The following THOC7 variants were observed in gnomAD, a reference collection of about 807,000 sequenced individuals.
THOC7 encodes THO complex subunit 7, also known as NIF3L1-binding protein 1.
Under a neutral mutation model 33.1 loss-of-function variants are expected in THOC7, and 22 were observed. That is an observed-to-expected ratio of 0.66 (90% CI 0.47 to 0.95). The LOEUF is 0.95. Ranked by LOEUF, THOC7 falls within the 40% of genes least tolerant of loss-of-function variation. THOC7 has a pLI of 0.00. For missense variants in THOC7, 184 were observed against 245.3 expected (o/e 0.75, Z 1.67); for synonymous variants, 77 against 76.8 (o/e 1.00, Z -0.01).
chr3:63,840,557 C>T (rs1278752054), intron 1 of THOC7, among the ~76,000 whole-genome samples: 1 of 152,152 alleles, frequency 6.6e-6, no homozygotes, highest in African/African-American at 2.4e-5. Flanking sequence ...CACCACTGGA[C>T]TCCAGCGCCT....
chr3:63,855,284 C>CTG (rs1394934851), intron 1 of THOC7, among the ~76,000 whole-genome samples: 1 of 151,866 alleles, frequency 6.6e-6, no homozygotes, highest in Non-Finnish European at 1.5e-5. Context: ...TACAAAATAT[C>CTG]TTTCAAAATC....
intron 3 of THOC7, 150 bp from the exon 4 acceptor site, chr3:63,838,212 C>G: frequency 3.3e-6 from 3 of 899,320 alleles, no homozygotes. Context: ...ACTATATCAT[C>G]TTAGAATACA....
chr3:63,842,721 A>AG (rs1701794350), intron 1 of THOC7, among the ~76,000 whole-genome samples: 1 of 152,076 alleles, frequency 6.6e-6, no homozygotes, highest in African/African-American at 2.4e-5. Flanking sequence ...GAGAGGGGTG[A>AG]GGGAAAAAAA....
intron 7 of THOC7, among the ~76,000 whole-genome samples, chr3:63,834,902 C>G (rs1181705320): frequency 6.6e-6 from 1 of 152,032 alleles, no homozygotes; most frequent in East Asian, 1.9e-4. Context: ...AGAAAGATTC[C>G]AAATCTATCA....
At chr3:63,862,779 C>G (rs773126412) in intron 1 of THOC7, among the ~76,000 whole-genome samples, 1 of 152,116 alleles carries the variant, frequency 6.6e-6, no homozygotes, top group Non-Finnish European at 1.5e-5. Context: ...CCTAGATATC[C>G]CCTTCCCAGA....
At chr3:63,839,171 C>T (rs936075086) in intron 2 of THOC7, among the ~76,000 whole-genome samples, 1 of 152,026 alleles carries the variant, frequency 6.6e-6, no homozygotes, top group Admixed American at 6.6e-5. Context: ...GCCTGAACAA[C>T]AGAATGAGAC....
intron 1 of THOC7, among the ~76,000 whole-genome samples, chr3:63,843,490 A>G (rs906692076): frequency 6.6e-6 from 1 of 152,216 alleles, no homozygotes; most frequent in Non-Finnish European, 1.5e-5. Flanking sequence ...TATGTGTCCA[A>G]AGGAAATAAA....
chr3:63,852,175 G>T (rs948591377), intron 1 of THOC7, among the ~76,000 whole-genome samples: 37 of 152,204 alleles, frequency 2.4e-4, no homozygotes, highest in African/African-American at 7.2e-4. Flanking sequence ...AATGCAAGTT[G>T]TTCTCTGACC....
chr3:63,850,618 G>A (rs1243802694), intron 1 of THOC7, among the ~76,000 whole-genome samples: 5 of 117,842 alleles, frequency 4.2e-5, no homozygotes, highest in African/African-American at 1.0e-4. Context: ...GACGAGTCTC[G>A]CTCTGTCGCC....
chr3:63,861,430 G>A (rs2107171403), intron 1 of THOC7: 1 of 152,298 alleles, frequency 6.6e-6, no homozygotes, highest in Middle Eastern at 3.4e-3. Flanking sequence ...CTGAAGTCCT[G>A]ACATTCTACC....
Position 63,833,973 on chromosome 3 carries a change from T to G in THOC7, c.*159A>C, listed in dbSNP as rs898183837. 19 of 655,676 alleles carry G rather than the reference T, an allele frequency of 2.9e-5. No individual in the cohort carries two copies. The highest frequency in any genetic ancestry group is 4.0e-5 in the Non-Finnish European group (16 of 404,284). The allele number at this position is 655,676 out of a possible 1,614,324, so 40.6% of individuals were successfully genotyped here. A position where few individuals can be genotyped will look rare whatever the true frequency, so the allele number is the denominator to read the frequency against. On this transcript the variant is annotated 3_prime_UTR_variant, in exon 8 of 8. Coordinates refer to ENST00000295899, the MANE Select transcript of THOC7 (RefSeq NM_025075.4). ...AAACAAATCTATACTGAAGTCATTT[T>G]CCTTTGTGAGAGGAAATATGAATGA...
intron 4 of THOC7, among the ~76,000 whole-genome samples, chr3:63,837,222 CA>C (rs1201412200): frequency 1.3e-5 from 2 of 151,844 alleles, no homozygotes; most frequent in Non-Finnish European, 2.9e-5. Context: ...CAAAACAACA[CA>C]AAAACAGAGA....
chr3:63,846,304 C>G (rs1193009860), intron 1 of THOC7: 2 of 386,930 alleles, frequency 5.2e-6, no homozygotes, highest in Non-Finnish European at 1.0e-5. Context: ...ACTCCCTGGA[C>G]AAAAATGGAC....
intron 1 of THOC7, among the ~76,000 whole-genome samples, chr3:63,845,364 A>T (rs1480113600): frequency 6.6e-6 from 1 of 152,156 alleles, no homozygotes; most frequent in Non-Finnish European, 1.5e-5. Context: ...CACTCTGGTG[A>T]TATCTCATGC....
chr3:63,834,855 G>C (rs1234669615), intron 7 of THOC7, among the ~76,000 whole-genome samples: 1 of 152,048 alleles, frequency 6.6e-6, no homozygotes, highest in East Asian at 1.9e-4. Context: ...CCTGGGTCCT[G>C]AGTTGTTATA....
chr3:63,846,749 C>A (rs1333112695), intron 1 of THOC7, among the ~76,000 whole-genome samples: 1 of 152,024 alleles, frequency 6.6e-6, no homozygotes, highest in African/African-American at 2.4e-5. Context: ...TTGATCTGTA[C>A]CAACTAGTAT....
Position 63,859,750 on chromosome 3 carries a change from G to A in THOC7, c.19+4022C>T, listed in dbSNP as rs184796999. On this transcript the variant is annotated intron_variant, in intron 1 of 7. Transcript: ENST00000295899. ...CAGGACCTCGCATTGTGCCTAGAAGGTATGCAATAAATACTTGTTGACGGA... is the reference window on the plus strand; with the variant it reads ...CAGGACCTCGCATTGTGCCTAGAAGATATGCAATAAATACTTGTTGACGGA... 6.6e-5 allele frequency among the ~76,000 whole-genome samples: 10 copies of A among 152,308 alleles called. No homozygotes were observed. In the East Asian group the frequency reaches 1.9e-3, roughly 29 times the overall value.
At chr3:63,846,347 T>C (rs1292066301) in intron 1 of THOC7, 1 of 245,120 alleles carries the variant, frequency 4.1e-6, no homozygotes, top group Non-Finnish European at 8.5e-6. Flanking sequence ...TTCCTAAACC[T>C]AGAGAAAAAT....
At chr3:63,842,696 G>C (rs911774178) in intron 1 of THOC7, among the ~76,000 whole-genome samples, 2 of 152,114 alleles carry the variant, frequency 1.3e-5, no homozygotes, top group Non-Finnish European at 2.9e-5. Flanking sequence ...TGGAGATTAA[G>C]AAGATGGAGG....
Sources: gnomAD v4.1 joint callset for allele counts (sites outside exome capture counted in the v4.1 genomes callset) on GRCh38, gnomAD v4.1.1 for gene constraint, MANE v1.5 for transcripts, NCBI Gene and HGNC (gene_info 2026-07-23, HGNC 2026-07-21) for gene names.